Variants in KCNH5 observed in about 807,000 individuals in gnomAD.
KCNH5 encodes the protein potassium voltage-gated channel subfamily H member 5.
KCNH5 carries 46 observed loss-of-function variants against 96.1 expected under a neutral mutation model. The ratio of observed to expected loss-of-function variants is 0.48; its 90% CI spans 0.38 to 0.61. The LOEUF (loss-of-function observed/expected upper bound fraction) is 0.61. Ranked by LOEUF, KCNH5 falls within the 20% of genes least tolerant of loss-of-function variation. The pLI is 0.00. For synonymous variants in KCNH5, 439 were observed against 449.8 expected, an observed-to-expected ratio of 0.98 and a Z score of 0.30; for missense variants, 907 against 1,225.8, an observed-to-expected ratio of 0.74 and a Z score of 3.88.
intron 10 of KCNH5, among the ~76,000 whole-genome samples, chr14:62,752,333 T>A (rs536984852): frequency 6.6e-6 from 1 of 152,066 alleles, no homozygotes; most frequent in East Asian, 2.0e-4. Context: ...GAGAAAAGAA[T>A]GAGTGAGACT....
At chr14:62,999,541 T>C (rs1890972553) in intron 4 of KCNH5, among the ~76,000 whole-genome samples, 1 of 151,776 alleles carries the variant, frequency 6.6e-6, no homozygotes, top group Non-Finnish European at 1.5e-5. Context: ...CCATAAAAAA[T>C]GATGAGTTTA....
Position 62,703,768 on chromosome 14 carries a change from A to G in KCNH5, c.*3740T>C, listed in dbSNP as rs1023542897. ...ATTCATATTTGAAAGTTATCCATGT[A>G]TGATATGCACATTCTAGATAAATGT... is the stretch of plus-strand genomic sequence containing the variant. On this transcript the variant is annotated 3_prime_UTR_variant, in exon 11 of 11. Coordinates refer to ENST00000322893, the MANE Select transcript of KCNH5 (RefSeq NM_139318.5). The G allele has an allele frequency of 2.0e-5, 3 of 151,956 alleles. No individual in the cohort carries two copies. Among genetic ancestry groups the G allele is most frequent in the Admixed American group, 2.0e-4 (3 of 15,252 alleles). 9.4% of individuals were successfully genotyped at this position (151,956 alleles called of 1,614,324 possible).
intron 7 of KCNH5, among the ~76,000 whole-genome samples, chr14:62,877,490 A>G (rs1288532016): frequency 6.6e-6 from 1 of 152,184 alleles, no homozygotes; most frequent in Non-Finnish European, 1.5e-5. Context: ...ACTCAAACAA[A>G]TTTACAAGAA....
At chr14:62,793,547 G>A (rs1443164973) in intron 9 of KCNH5, among the ~76,000 whole-genome samples, 3 of 151,688 alleles carry the variant, frequency 2.0e-5, no homozygotes, top group Non-Finnish European at 4.4e-5. Flanking sequence ...GCAATCACAA[G>A]GATAAAGGAG....
At chr14:62,781,174 A>G (rs901089220) in intron 9 of KCNH5, among the ~76,000 whole-genome samples, 3 of 152,210 alleles carry the variant, frequency 2.0e-5, no homozygotes, top group Non-Finnish European at 4.4e-5. Context: ...GGTAGGTTCC[A>G]TGATGCCCAC....
At chr14:62,740,843 C>A (rs1363139505) in intron 10 of KCNH5, among the ~76,000 whole-genome samples, 1 of 152,072 alleles carries the variant, frequency 6.6e-6, no homozygotes, top group African/African-American at 2.4e-5. Context: ...CTCTTTAGAG[C>A]AATACAAACT....
Position 62,704,944 on chromosome 14 carries a change from G to C in KCNH5, c.*2564C>G, listed in dbSNP as rs1163161769. On this transcript the variant is annotated 3_prime_UTR_variant, in exon 11 of 11. Coordinates refer to ENST00000322893, the MANE Select transcript of KCNH5 (RefSeq NM_139318.5). ...AAAGACTACTCTATATACAATGTTTGCTGAAAACATGCATTCCTGCTGAAA... is the reference window on the plus strand; with the variant it reads ...AAAGACTACTCTATATACAATGTTTCCTGAAAACATGCATTCCTGCTGAAA... 2 of 151,920 alleles carry C rather than the reference G, an allele frequency of 1.3e-5. No individual in the cohort carries two copies. The highest frequency in any genetic ancestry group is 4.8e-5 in the African/African-American group (2 of 41,422). The allele number at this position is 151,920 out of a possible 1,614,324, so 9.4% of individuals were successfully genotyped here. A position where few individuals can be genotyped will look rare whatever the true frequency, so the allele number is the denominator to read the frequency against.
intron 9 of KCNH5, among the ~76,000 whole-genome samples, chr14:62,787,654 C>T (rs1217390760): frequency 1.3e-5 from 2 of 152,162 alleles, no homozygotes; most frequent in East Asian, 3.9e-4. Flanking sequence ...GATAGGCTAA[C>T]TTGTTAGGGC....
At chr14:62,818,110 G>A (rs1002927068) in intron 8 of KCNH5, among the ~76,000 whole-genome samples, 15 of 67,286 alleles carry the variant, frequency 2.2e-4, no homozygotes, top group South Asian at 1.2e-3. Flanking sequence ...AGCTGGGGGC[G>A]GGGGGGGGGT....
At chr14:62,766,950 C>G (rs1309161837) in intron 10 of KCNH5, among the ~76,000 whole-genome samples, 1 of 151,638 alleles carries the variant, frequency 6.6e-6, no homozygotes, top group Non-Finnish European at 1.5e-5. Context: ...CCCATAAATA[C>G]ATACATCTAC....
chr14:62,841,468 G>C (rs996391242), intron 8 of KCNH5, among the ~76,000 whole-genome samples: 1 of 152,128 alleles, frequency 6.6e-6, no homozygotes, highest in African/African-American at 2.4e-5. Flanking sequence ...GCAGCATGTG[G>C]AAGTATTCAT....
chr14:62,941,896 G>A (rs1364353647), intron 7 of KCNH5, among the ~76,000 whole-genome samples: 1 of 152,120 alleles, frequency 6.6e-6, no homozygotes, highest in Admixed American at 6.5e-5. Flanking sequence ...CACTGGGCAT[G>A]GTGTGCAGTC....
intron 4 of KCNH5, among the ~76,000 whole-genome samples, chr14:62,994,602 T>C (rs1339213071): frequency 6.6e-6 from 1 of 151,998 alleles, no homozygotes; most frequent in Non-Finnish European, 1.5e-5. Context: ...GTTTATTTGG[T>C]TCAAAGCAGC....
chr14:62,938,531 AT>A (rs1348852954), intron 7 of KCNH5, among the ~76,000 whole-genome samples: 1 of 152,240 alleles, frequency 6.6e-6, no homozygotes, highest in Non-Finnish European at 1.5e-5. Context: ...ATTTATTTTA[AT>A]AAGTTCTAAA....
chr14:62,911,300 A>G (rs1048697645), intron 7 of KCNH5, among the ~76,000 whole-genome samples: 18 of 143,568 alleles, frequency 1.3e-4, no homozygotes, highest in African/African-American at 4.4e-4. Context: ...TTTTTTTGAG[A>G]CGGAGTCTTG....
intron 7 of KCNH5, among the ~76,000 whole-genome samples, chr14:62,899,630 G>A: frequency 6.6e-6 from 1 of 151,756 alleles, no homozygotes. Flanking sequence ...AGGAGATCGA[G>A]ACCATCCCGG....
At chr14:62,729,495 C>T (rs1885005152) in intron 10 of KCNH5, among the ~76,000 whole-genome samples, 1 of 152,184 alleles carries the variant, frequency 6.6e-6, no homozygotes, top group African/African-American at 2.4e-5. Context: ...CTCAAAACAA[C>T]TATTGAGTTT....
intron 10 of KCNH5, among the ~76,000 whole-genome samples, chr14:62,765,191 C>T (rs955539669): frequency 1.2e-4 from 19 of 152,100 alleles, no homozygotes; most frequent in African/African-American, 4.3e-4. Context: ...ACCAATGGAA[C>T]AAGTTAGATA....
Position 62,703,493 on chromosome 14 carries a change from T to C in KCNH5, c.*4015A>G, listed in dbSNP as rs1408789485. 4 of 151,926 alleles carry C rather than the reference T, an allele frequency of 2.6e-5. No individual in the cohort carries two copies. Among genetic ancestry groups the C allele is most frequent in the Non-Finnish European group, 4.4e-5 (3 of 67,802 alleles). 9.4% of individuals were successfully genotyped at this position (151,926 alleles called of 1,614,324 possible). ...ATAAGGAAGCAACAGCTGTTATCTT[T>C]GTTTTCTTATTTATTGGCGGGGAAA... On this transcript the variant is annotated 3_prime_UTR_variant, in exon 11 of 11. Coordinates refer to ENST00000322893, the MANE Select transcript of KCNH5 (RefSeq NM_139318.5).
Sources: gnomAD v4.1 joint callset for allele counts (sites outside exome capture counted in the v4.1 genomes callset) on GRCh38, gnomAD v4.1.1 for gene constraint, MANE v1.5 for transcripts, NCBI Gene and HGNC (gene_info 2026-07-23, HGNC 2026-07-21) for gene names.